ERBB4: variants seen among roughly 807,000 people sequenced by gnomAD.
The protein encoded by ERBB4 is erb-b2 receptor tyrosine kinase 4, also known as receptor tyrosine-protein kinase erbB-4.
ERBB4 carries 42 observed loss-of-function variants against 158.0 expected under a neutral mutation model. The ratio of observed to expected loss-of-function variants is 0.27; its 90% CI spans 0.21 to 0.34. ERBB4 has a LOEUF of 0.34. Ranked by LOEUF, ERBB4 falls within the 10% of genes least tolerant of loss-of-function variation. ERBB4 has a pLI of 1.00. For missense variants in ERBB4, 1,333 were observed against 1,624.1 expected, an observed-to-expected ratio of 0.82 and a Z score of 3.08; for synonymous variants, 583 against 558.7, an observed-to-expected ratio of 1.04 and a Z score of -0.61.
At chr2:211,656,367 A>G (rs2071216549) in intron 16 of ERBB4, among the ~76,000 whole-genome samples, 1 of 152,220 alleles carries the variant, frequency 6.6e-6, no homozygotes, top group African/African-American at 2.4e-5. Context: ...TGTTAACTTT[A>G]GTACTACCTT....
chr2:211,479,262 A>G (rs2065027552), intron 20 of ERBB4, among the ~76,000 whole-genome samples: 1 of 152,118 alleles, frequency 6.6e-6, no homozygotes, highest in Non-Finnish European at 1.5e-5. Flanking sequence ...CAAGCTAAAT[A>G]GCTCCCCTCT....
chr2:211,762,230 T>G (rs1283962232), intron 4 of ERBB4, among the ~76,000 whole-genome samples: 1 of 152,120 alleles, frequency 6.6e-6, no homozygotes, highest in Non-Finnish European at 1.5e-5. Context: ...AGGGTTGAAA[T>G]GATCAGTAAG....
At chr2:211,399,488 A>C (rs1322339240) in intron 25 of ERBB4, among the ~76,000 whole-genome samples, 2 of 152,184 alleles carry the variant, frequency 1.3e-5, no homozygotes, top group Non-Finnish European at 2.9e-5. Flanking sequence ...TATATGGTAC[A>C]CATCTTCTTC....
intron 4 of ERBB4, among the ~76,000 whole-genome samples, chr2:211,767,767 G>GT (rs1166975790): frequency 2.6e-5 from 4 of 152,088 alleles, no homozygotes; most frequent in Non-Finnish European, 5.9e-5. Flanking sequence ...CTCCCACTGG[G>GT]TCCCTCCTAT....
At chr2:212,209,337 C>A (rs1352551592) in intron 1 of ERBB4, among the ~76,000 whole-genome samples, 1 of 151,970 alleles carries the variant, frequency 6.6e-6, no homozygotes, top group Admixed American at 6.6e-5. Context: ...TTTTGATAGG[C>A]AAAGAAATTA....
At chr2:211,403,877 A>C (rs1201783805) in intron 25 of ERBB4, among the ~76,000 whole-genome samples, 1 of 152,032 alleles carries the variant, frequency 6.6e-6, no homozygotes, top group African/African-American at 2.4e-5. Flanking sequence ...TACCAAAGCT[A>C]TTTTACAAGC....
At chr2:211,760,394 C>T (rs919441124) in intron 4 of ERBB4, among the ~76,000 whole-genome samples, 28 of 152,150 alleles carry the variant, frequency 1.8e-4, no homozygotes, top group African/African-American at 6.3e-4. Flanking sequence ...ATCATACTTG[C>T]AAATGACACA....
rs774798032 is a variant in ERBB4 at position 212,412,269 on chromosome 2, C to T, written c.82+126180G>A. Among the ~76,000 whole-genome samples the T allele has an allele frequency of 5.0e-4, 76 of 152,190 alleles. 1 individual carries two copies. Among genetic ancestry groups the T allele is most frequent in the East Asian group, 1.9e-4 (1 of 5,194 alleles). On this transcript the variant is annotated intron_variant, in intron 1 of 27. Coordinates refer to ENST00000342788, the MANE Select transcript of ERBB4 (RefSeq NM_005235.3). ...GTGATATGGTTTGGATCTGTGTCCC[C>T]ACCAAATCTCATGTTGAAAGGTAAT...
intron 2 of ERBB4, 155 bp downstream of exon 2, chr2:212,124,597 T>G: frequency 1.3e-6 from 1 of 752,958 alleles, no homozygotes; most frequent in South Asian, 1.6e-5. Flanking sequence ...GTTCTTTTCC[T>G]GGGTGCGTTT....
At chr2:212,008,385 A>C (rs1361416494) in intron 2 of ERBB4, among the ~76,000 whole-genome samples, 1 of 152,092 alleles carries the variant, frequency 6.6e-6, no homozygotes, top group Non-Finnish European at 1.5e-5. Context: ...AAAATGACAG[A>C]AATTCTTCCT....
chr2:211,435,517 T>C (rs557979946), intron 20 of ERBB4, among the ~76,000 whole-genome samples: 20 of 152,322 alleles, frequency 1.3e-4, no homozygotes, highest in African/African-American at 4.8e-4. Context: ...CACTGGTCTG[T>C]GGCCTGTTTG....
chr2:212,230,687 T>C (rs1211459594), intron 1 of ERBB4, among the ~76,000 whole-genome samples: 1 of 152,178 alleles, frequency 6.6e-6, no homozygotes, highest in Non-Finnish European at 1.5e-5. Flanking sequence ...GTCTATATAA[T>C]ATGAATCATA....
In ERBB4 at chr2:211,381,248, C is replaced by CCAA. The variant is rs2062569542; in HGVS notation, c.*2364_*2366dup. The CCAA allele has an allele frequency of 4.3e-6, 1 of 232,280 alleles. No homozygotes were observed. Among genetic ancestry groups the CCAA allele is most frequent in the Admixed American group, 5.6e-5 (1 of 17,748 alleles). 14.4% of individuals were successfully genotyped at this position (232,280 alleles called of 1,614,324 possible). A position where few individuals can be genotyped will look rare whatever the true frequency, so the allele number is the denominator to read the frequency against. On this transcript the variant is annotated 3_prime_UTR_variant, in exon 28 of 28. Transcript: ENST00000342788. The stretch of plus-strand genomic sequence containing the variant: ...TCACTTCTTATAGCTTAGAAAAAAA[C>CCAA]CAACTCCAATGTCTCCAATATTCTT...
chr2:212,129,877 A>C (rs2080059430), intron 1 of ERBB4, among the ~76,000 whole-genome samples: 1 of 151,958 alleles, frequency 6.6e-6, no homozygotes, highest in Non-Finnish European at 1.5e-5. Context: ...TTTATGTTTG[A>C]TTCAAACTAT....
intron 2 of ERBB4, among the ~76,000 whole-genome samples, chr2:212,123,768 G>A (rs1427358545): frequency 1.3e-5 from 2 of 151,956 alleles, no homozygotes; most frequent in African/African-American, 2.4e-5. Flanking sequence ...TCCTTTTCAC[G>A]ACTTATCTAA....
chr2:211,428,212 T>TAAAATAAAATAAAATAAAATAAAA (rs1413479011), intron 22 of ERBB4, among the ~76,000 whole-genome samples, 196 bp downstream of exon 22: 3 of 80,040 alleles, frequency 3.7e-5, no homozygotes, highest in Non-Finnish European at 6.6e-5. Context: ...TCGCAGAACT[T>TAAAATAAAATAAAATAAAATAAAA]AAAATAAAAT....
chr2:212,040,910 T>C (rs2077125956), intron 2 of ERBB4, among the ~76,000 whole-genome samples: 1 of 152,156 alleles, frequency 6.6e-6, no homozygotes, highest in African/African-American at 2.4e-5. Flanking sequence ...CTTTCACTTA[T>C]CAGTTAAATC....
chr2:211,534,819 C>A (rs2066599793), intron 20 of ERBB4, among the ~76,000 whole-genome samples: 2 of 151,930 alleles, frequency 1.3e-5, no homozygotes, highest in African/African-American at 4.8e-5. Flanking sequence ...AGGGAGAGAG[C>A]GAGAGCGTTG....
intron 1 of ERBB4, among the ~76,000 whole-genome samples, chr2:212,339,677 A>AT (rs371078415): frequency 3.0e-4 from 45 of 150,818 alleles, no homozygotes; most frequent in African/African-American, 6.8e-4. Context: ...AGAAAGATTA[A>AT]TTTTTTTTTT....
Sources: gnomAD v4.1 joint callset for allele counts (sites outside exome capture counted in the v4.1 genomes callset) on GRCh38, gnomAD v4.1.1 for gene constraint, MANE v1.5 for transcripts, NCBI Gene and HGNC (gene_info 2026-07-23, HGNC 2026-07-21) for gene names.